TMTC2: variants seen among roughly 807,000 people sequenced by gnomAD.
The protein encoded by TMTC2 is transmembrane O-mannosyltransferase targeting cadherins 2.
A neutral mutation model predicts 82.4 loss-of-function variants in TMTC2; 43 were observed. The observed-to-expected ratio is 0.52, with a 90% confidence interval of 0.41 to 0.67. The LOEUF is 0.67. TMTC2 is among the 30% of genes least tolerant of loss of function. The pLI is 0.00. For synonymous variants in TMTC2, 408 were observed against 381.9 expected (o/e 1.07, Z -0.80); for missense variants, 919 against 1,012.4 (o/e 0.91, Z 1.25).
chr12:82,960,204 T>G (rs1177135276), intron 4 of TMTC2, among the ~76,000 whole-genome samples: 1 of 152,000 alleles, frequency 6.6e-6, no homozygotes, highest in Non-Finnish European at 1.5e-5. Context: ...AAGGGAATAC[T>G]TATAAAAACA....
intron 3 of TMTC2, among the ~76,000 whole-genome samples, chr12:82,924,515 A>C (rs1875585784): frequency 6.6e-6 from 1 of 152,216 alleles, no homozygotes; most frequent in Non-Finnish European, 1.5e-5. Context: ...TACAACAGGA[A>C]AACAAGATTT....
In TMTC2 at chr12:82,965,562, G is replaced by A. The variant is rs765607366; in HGVS notation, c.1687G>A (p.Ala563Thr). 1 of 1,613,318 alleles carries A rather than the reference G, an allele frequency of 6.2e-7. No individual in the cohort carries two copies. The highest frequency in any genetic ancestry group is 8.5e-7 in the Non-Finnish European group (1 of 1,179,520). Residue 563 changes from alanine (A) to threonine (T), a missense_variant and splice_region_variant, in exon 6 of 12, where the codon GCA (alanine) becomes ACA (threonine). Coordinates refer to ENST00000321196, the MANE Select transcript of TMTC2 (RefSeq NM_152588.3). ...TTGTTTCCACTTTTCCCCCTCAGCT[G>A]CATATTTAAATACCGGTATTATTCT... ...AIGSRPTLASAYLNTGIILMN... is the reference protein window; with the variant it reads ...AIGSRPTLASTYLNTGIILMN...
chr12:82,821,457 TA>T (rs1869105402), intron 1 of TMTC2, among the ~76,000 whole-genome samples: 3 of 152,292 alleles, frequency 2.0e-5, no homozygotes. Context: ...CTATTTCTCA[TA>T]TGTTATTATG....
intron 9 of TMTC2, among the ~76,000 whole-genome samples, chr12:83,047,193 T>G (rs1050735141): frequency 5.3e-5 from 8 of 152,084 alleles, no homozygotes; most frequent in Non-Finnish European, 1.2e-4. Flanking sequence ...TAGTGTCTGG[T>G]GGAAGTGGTA....
chr12:82,843,955 C>CA (rs917657584), intron 1 of TMTC2, among the ~76,000 whole-genome samples: 10 of 152,032 alleles, frequency 6.6e-5, no homozygotes, highest in South Asian at 4.2e-4. Flanking sequence ...CTTGGGAGGA[C>CA]AAAAAAGTTG....
intron 2 of TMTC2, among the ~76,000 whole-genome samples, chr12:82,892,926 T>A (rs1216430285): frequency 6.6e-6 from 1 of 152,204 alleles, no homozygotes; most frequent in Non-Finnish European, 1.5e-5. Context: ...TATTACAAGC[T>A]CTTAAGCATG....
chr12:82,985,842 A>G, intron 7 of TMTC2, 83 bp from the exon 8 acceptor site: 1 of 1,490,848 alleles, frequency 6.7e-7, no homozygotes, highest in Non-Finnish European at 9.1e-7. Flanking sequence ...ACGCAGTATG[A>G]TGATGATGAT....
intron 9 of TMTC2, among the ~76,000 whole-genome samples, chr12:83,047,835 A>C (rs947574851): frequency 6.6e-6 from 1 of 152,248 alleles, no homozygotes; most frequent in Non-Finnish European, 1.5e-5. Flanking sequence ...AAAAATAGTT[A>C]ATTTGATTTT....
At chr12:82,808,814 T>C (rs1214235478) in intron 1 of TMTC2, among the ~76,000 whole-genome samples, 1 of 152,040 alleles carries the variant, frequency 6.6e-6, no homozygotes, top group Non-Finnish European at 1.5e-5. Context: ...TATTTTTCTA[T>C]TCTAACATTT....
At chr12:82,942,600 A>G (rs1442166136) in intron 4 of TMTC2, among the ~76,000 whole-genome samples, 1 of 152,226 alleles carries the variant, frequency 6.6e-6, no homozygotes, top group African/African-American at 2.4e-5. Flanking sequence ...TCAACCAGCT[A>G]TACATTTGTG....
chr12:83,128,218 C>G (rs1202373178), intron 11 of TMTC2, among the ~76,000 whole-genome samples: 2 of 152,130 alleles, frequency 1.3e-5, no homozygotes, highest in Admixed American at 1.3e-4. Flanking sequence ...TGAGCTACAG[C>G]TGGCAGAGAG....
At chr12:82,974,674 G>A (rs557991876) in intron 7 of TMTC2, among the ~76,000 whole-genome samples, 1 of 152,316 alleles carries the variant, frequency 6.6e-6, no homozygotes, top group Non-Finnish European at 1.5e-5. Context: ...TTTAATGAAA[G>A]TTTTACCTGA....
At chr12:82,839,005 G>A (rs1832342360) in intron 1 of TMTC2, among the ~76,000 whole-genome samples, 1 of 152,104 alleles carries the variant, frequency 6.6e-6, no homozygotes. Flanking sequence ...TTAAAGAAAG[G>A]TGATTCTGTT....
chr12:83,025,728 G>A (rs932716204), intron 8 of TMTC2, among the ~76,000 whole-genome samples: 1 of 152,242 alleles, frequency 6.6e-6, no homozygotes, highest in Admixed American at 6.5e-5. Context: ...ACTACAAATT[G>A]GAGGTTCCCA....
chr12:82,922,713 T>C (rs1317397040), intron 3 of TMTC2, among the ~76,000 whole-genome samples: 1 of 152,228 alleles, frequency 6.6e-6, no homozygotes, highest in African/African-American at 2.4e-5. Flanking sequence ...ATATACACTA[T>C]GTTAAATACA....
intron 1 of TMTC2, among the ~76,000 whole-genome samples, chr12:82,801,778 A>G (rs2137036885): frequency 1.3e-5 from 2 of 152,152 alleles, no homozygotes; most frequent in South Asian, 4.2e-4. Context: ...AAGATCCTCC[A>G]AGTCCCCACC....
chr12:82,905,715 C>G (rs566411319), intron 3 of TMTC2, among the ~76,000 whole-genome samples: 1 of 152,054 alleles, frequency 6.6e-6, no homozygotes. Flanking sequence ...GAGGCCGAGG[C>G]GGGCGGATCA....
rs760129852 is a variant in TMTC2, at chr12:82,857,392, A to G, written c.466A>G (p.Ile156Val). 6.8e-6 allele frequency: 11 copies of G among 1,614,040 alleles called. 1 individual carries two copies. The African/African-American group carries it at 9.3e-5, about 14-fold the overall frequency. The change falls in exon 2 of 12, where the codon ATT becomes GTT. Residue 156 changes from isoleucine (I) to valine (V), a missense_variant. Ile to Val is a conservative substitution (Grantham distance 29). Coordinates refer to ENST00000321196, the MANE Select transcript of TMTC2 (RefSeq NM_152588.3). ...CTTTCTCCTCTCCTTGCTCTGCTACATTAAACACTGTTCTACAAGAGGCTA... is the reference window on the plus strand; with the variant it reads ...CTTTCTCCTCTCCTTGCTCTGCTACGTTAAACACTGTTCTACAAGAGGCTA... ...LFFLLSLLCY[I>V]KHCSTRGYSA...
intron 9 of TMTC2, among the ~76,000 whole-genome samples, chr12:83,040,845 C>T (rs181996619): frequency 4.7e-4 from 71 of 152,044 alleles, no homozygotes; most frequent in Middle Eastern, 3.4e-3. Context: ...CCACCACGCC[C>T]GGCTAATTTT....
Sources: allele counts gnomAD v4.1 joint callset (sites outside exome capture counted in the v4.1 genomes callset), GRCh38; gene constraint gnomAD v4.1.1; transcripts MANE v1.5; gene names NCBI Gene and HGNC (gene_info 2026-07-23, HGNC 2026-07-21).